Variants in ARHGEF19 observed in about 807,000 individuals in gnomAD.
ARHGEF19 encodes the protein Rho guanine nucleotide exchange factor 19.
Under a neutral mutation model 87.6 loss-of-function variants are expected in ARHGEF19, and 92 were observed. That is an observed-to-expected ratio of 1.05 (90% CI 0.89 to 1.25). The LOEUF (loss-of-function observed/expected upper bound fraction) is 1.25. ARHGEF19 is among the 50% of genes most tolerant of loss of function. The probability of loss-of-function intolerance (pLI) is 0.00; values close to 1 mark genes in which losing one functional copy is unlikely to be tolerated. For missense variants in ARHGEF19, 1,054 were observed against 1,051.8 expected, an observed-to-expected ratio of 1.00 and a Z score of -0.03; for synonymous variants, 438 against 446.2, an observed-to-expected ratio of 0.98 and a Z score of 0.23.
At chr1:16,201,705 C>G in intron 14 of ARHGEF19, 77 bp downstream of exon 14, 2 of 1,497,294 alleles carry the variant, frequency 1.3e-6, no homozygotes, top group Non-Finnish European at 1.8e-6. Context: ...GCCAGCAACA[C>G]AGCACCCAGG....
intron 2 of ARHGEF19, 53 bp from the exon 3 acceptor site, chr1:16,208,278 C>T: frequency 6.4e-7 from 1 of 1,565,224 alleles, no homozygotes; most frequent in South Asian, 1.2e-5. Context: ...CCCCAACCTC[C>T]TCCCTGCTGC....
chr1:16,211,482 A>T (rs1469132020), intron 1 of ARHGEF19, among the ~76,000 whole-genome samples: 1 of 152,192 alleles, frequency 6.6e-6, no homozygotes, highest in Non-Finnish European at 1.5e-5. Flanking sequence ...CAAAACATTG[A>T]GGCTTTGCAG....
In ARHGEF19 at chr1:16,205,189, T is replaced by G. The variant is rs753597785; in HGVS notation, c.1657-13A>C. On this transcript the variant is annotated splice_polypyrimidine_tract_variant and intron_variant, in intron 10 of 15. Transcript: ENST00000270747. This position sits in a 1 kb window ranked among gnomAD's most constrained non-coding sequence, Gnocchi z 5.8. ...ACTCCTGCACCAGCTGGGGGAGCCG[T>G]GGGGAGGTCACCTGCAGCCCCTCAG... The G allele has an allele frequency of 1.3e-6, 2 of 1,594,080 alleles. No individual in the cohort carries two copies. Among genetic ancestry groups the G allele is most frequent in the South Asian group, 2.3e-5 (2 of 88,770 alleles).
Position 16,207,157 on chromosome 1 carries a change from G to T in ARHGEF19, c.928C>A (p.Gln310Lys). 1 of 1,529,970 alleles carries T rather than the reference G, an allele frequency of 6.5e-7. No homozygotes were observed. The allele number at this position is 1,529,970 out of a possible 1,614,324, so 94.8% of individuals were successfully genotyped here. Residue 310 changes from glutamine (Q) to lysine (K), a missense_variant, in exon 6 of 16, where the codon CAG (glutamine) becomes AAG (lysine). Gln to Lys is a moderately conservative substitution (Grantham distance 53, BLOSUM62 1). Coordinates refer to ENST00000270747, the MANE Select transcript of ARHGEF19 (RefSeq NM_153213.5). This position sits in a 1 kb window ranked among gnomAD's most constrained non-coding sequence, Gnocchi z 4.0. The part of the protein sequence containing the change: ...DVASARELRR[Q>K]QREEEGPGDE... ...CCCGGGCCCTCCTCCTCGCGCTGCTGCCGCCGCAGTTCGCGGGCGCTGGCC... is the reference window on the plus strand; with the variant it reads ...CCCGGGCCCTCCTCCTCGCGCTGCTTCCGCCGCAGTTCGCGGGCGCTGGCC...
intron 14 of ARHGEF19, 93 bp downstream of exon 14, chr1:16,201,689 A>G: frequency 7.2e-7 from 1 of 1,391,676 alleles, no homozygotes; most frequent in Non-Finnish European, 9.8e-7. Flanking sequence ...CTCTCCCCAT[A>G]GCCCTGCCAG....
intron 12 of ARHGEF19, among the ~76,000 whole-genome samples, chr1:16,204,251 G>A (rs11260937): frequency 0.013 from 1,921 of 151,520 alleles, 36 homozygotes; most frequent in African/African-American, 0.045. Flanking sequence ...TACTGAACAA[G>A]TGTTCACTGT....
In ARHGEF19 at chr1:16,207,772, C is replaced by T. The variant is rs1474199562; in HGVS notation, c.700G>A (p.Ala234Thr). Residue 234 changes from alanine (A) to threonine (T), a missense_variant, in exon 4 of 16, where the codon GCA becomes ACA. Transcript: ENST00000270747. This position sits in a 1 kb window ranked among gnomAD's most constrained non-coding sequence, Gnocchi z 4.0. ...ACACTTCGAGCCTCCATTCCAGATG[C>T]TTTCCCTGGAGAGGGCGAGAACTGA... is the stretch of plus-strand genomic sequence containing the variant. ...SGTGAAREGKASGMEARSVEM... is the reference protein window; with the variant it reads ...SGTGAAREGKTSGMEARSVEM... 1.9e-6 allele frequency: 3 copies of T among 1,613,922 alleles called. No individual in the cohort carries two copies. The highest frequency in any genetic ancestry group is 2.2e-5 in the East Asian group (1 of 44,874).
intron 12 of ARHGEF19, 47 bp from the exon 13 acceptor site, chr1:16,202,621 C>G (rs1406874196): frequency 1.3e-6 from 2 of 1,589,752 alleles, no homozygotes; most frequent in African/African-American, 2.7e-5. Context: ...GGCCCTGGCT[C>G]TAGGCACCCA....
Position 16,206,265 on chromosome 1 carries a change from A to C in ARHGEF19, c.1213T>G (p.Ser405Ala). 1 of 1,589,398 alleles carries C rather than the reference A, an allele frequency of 6.3e-7. No homozygotes were observed. Among genetic ancestry groups the C allele is most frequent in the Non-Finnish European group, 8.6e-7 (1 of 1,168,260 alleles). Reference sequence around the variant, plus strand: ...CCCAGACACTCGCTCAGCTCGGCAGAGCCTAAGAAGTGGCCCACAGCCACC... The same window carrying C: ...CCCAGACACTCGCTCAGCTCGGCAGCGCCTAAGAAGTGGCCCACAGCCACC... Reference protein sequence around the residue: ...LSVAVGHFLGSAELSECLGAQ... With the variant: ...LSVAVGHFLGAAELSECLGAQ... Residue 405 changes from serine to alanine, a missense_variant, in exon 7 of 16, where the codon TCT becomes GCT. Coordinates refer to ENST00000270747, the MANE Select transcript of ARHGEF19 (RefSeq NM_153213.5). This position sits in a 1 kb window ranked among gnomAD's most constrained non-coding sequence, Gnocchi z 4.6.
chr1:16,198,100 A>C lies in ARHGEF19; in HGVS notation c.*487T>G, dbSNP rs1468712202. ...CAGCATCAGATGGATCACAGACTCC[A>C]AGCAAAGGCATGATAGGAGTTTATT... On this transcript the variant is annotated 3_prime_UTR_variant, in exon 16 of 16. Transcript: ENST00000270747. This position sits in a 1 kb window ranked among gnomAD's most constrained non-coding sequence, Gnocchi z 4.1. 6.6e-6 allele frequency: 1 copy of C among 152,426 alleles called. No individual in the cohort carries two copies. The highest frequency in any genetic ancestry group is 1.5e-5 in the Non-Finnish European group (1 of 68,218). 9.4% of individuals were successfully genotyped at this position (152,426 alleles called of 1,614,324 possible).
chr1:16,198,868 G>C lies in ARHGEF19; in HGVS notation c.2252-124C>G. On this transcript the variant is annotated intron_variant, in intron 15 of 15. Transcript: ENST00000270747. This position sits in a 1 kb window ranked among gnomAD's most constrained non-coding sequence, Gnocchi z 4.1. ...TTGGGGCCAAGGTGACATCATCTCA[G>C]CATCTCTCAGCTCCAGGAAGGACCC... 1.6e-6 allele frequency: 2 copies of C among 1,237,532 alleles called. No individual in the cohort carries two copies. The highest frequency in any genetic ancestry group is 2.2e-6 in the Non-Finnish European group (2 of 901,550). 76.7% of individuals were successfully genotyped at this position (1,237,532 alleles called of 1,614,324 possible).
chr1:16,203,906 G>T (rs529187149), intron 12 of ARHGEF19, among the ~76,000 whole-genome samples: 1 of 152,358 alleles, frequency 6.6e-6, no homozygotes, highest in South Asian at 2.1e-4. Context: ...GCTTCTGTGA[G>T]CAGAAAACAA....
At position 16,207,897 on chromosome 1, in the gene ARHGEF19, C is replaced by A; in HGVS notation, c.694+47G>T. On this transcript the variant is annotated intron_variant, in intron 3 of 15. Coordinates refer to ENST00000270747, the MANE Select transcript of ARHGEF19 (RefSeq NM_153213.5). This position sits in a 1 kb window ranked among gnomAD's most constrained non-coding sequence, Gnocchi z 4.0. ...GAGTGGGCATCGCCCACCCCCACCCCCACCCGGCATCTGGCTGCCCTCAGG... is the reference window on the plus strand; with the variant it reads ...GAGTGGGCATCGCCCACCCCCACCCACACCCGGCATCTGGCTGCCCTCAGG... 1 of 1,560,684 alleles carries A rather than the reference C, an allele frequency of 6.4e-7. No individual in the cohort carries two copies. The highest frequency in any genetic ancestry group is 8.7e-7 in the Non-Finnish European group (1 of 1,147,760).
chr1:16,209,447 ACTT>A (rs745626029), intron 1 of ARHGEF19, among the ~76,000 whole-genome samples: 9 of 152,142 alleles, frequency 5.9e-5, no homozygotes, highest in Non-Finnish European at 8.8e-5. Flanking sequence ...ACCACCTTGT[ACTT>A]CTCTAAAACA....
chr1:16,205,736 C>G lies in ARHGEF19; in HGVS notation c.1452-69G>C. ...TCCTGGGATCCACAACCCTGGCCATCCACGGGGTCCTCAGGGGGCTTCTCA... is the reference window on the plus strand; with the variant it reads ...TCCTGGGATCCACAACCCTGGCCATGCACGGGGTCCTCAGGGGGCTTCTCA... On this transcript the variant is annotated intron_variant, in intron 8 of 15. Coordinates refer to ENST00000270747, the MANE Select transcript of ARHGEF19 (RefSeq NM_153213.5). This position sits in a 1 kb window ranked among gnomAD's most constrained non-coding sequence, Gnocchi z 5.8. 6.5e-7 allele frequency: 1 copy of G among 1,533,578 alleles called. No individual in the cohort carries two copies. The highest frequency in any genetic ancestry group is 8.8e-7 in the Non-Finnish European group (1 of 1,140,200). The allele number at this position is 1,533,578 out of a possible 1,614,324, so 95.0% of individuals were successfully genotyped here. A position where few individuals can be genotyped will look rare whatever the true frequency, so the allele number is the denominator to read the frequency against.
At position 16,198,651 on chromosome 1, in the gene ARHGEF19, C is replaced by T. The variant is rs2081059456; in HGVS notation, c.2345G>A (p.Arg782Gln). Reference sequence around the variant, plus strand: ...GACTCGCTTATTCTCCCGGAGGTTTCGGAGGCGGGCGCTGAGGCTGCTGAT... The same window carrying T: ...GACTCGCTTATTCTCCCGGAGGTTTTGGAGGCGGGCGCTGAGGCTGCTGAT... ...EEISSLSARL[R>Q]NLRENKRVTS... is the part of the protein sequence containing the mutation. Residue 782 changes from arginine to glutamine, a missense_variant, in exon 16 of 16, where the codon CGA becomes CAA. By Grantham distance (43) the Arg-to-Gln change is conservative. Coordinates refer to ENST00000270747, the MANE Select transcript of ARHGEF19 (RefSeq NM_153213.5). The surrounding 1 kb of genome is among the most constrained non-coding windows in gnomAD (Gnocchi z 4.1). 5.0e-6 allele frequency: 8 copies of T among 1,613,756 alleles called. No homozygotes were observed. The highest frequency in any genetic ancestry group is 6.8e-6 in the Non-Finnish European group (8 of 1,179,766).
Position 16,207,722 on chromosome 1 carries a change from C to T in ARHGEF19, c.750G>A (p.Ser250=). The T allele has an allele frequency of 6.2e-7, 1 of 1,613,958 alleles. No homozygotes were observed. Among genetic ancestry groups the T allele is most frequent in the Non-Finnish European group, 8.5e-7 (1 of 1,180,014 alleles). The change falls in exon 4 of 16, where the codon TCG becomes TCA. Residue 250 remains serine (S), a synonymous_variant. Transcript: ENST00000270747. The surrounding 1 kb of genome is among the most constrained non-coding windows in gnomAD (Gnocchi z 4.0). ...CTCGTGAGTCACCAGGGGCTGGCCG[C>T]GACACCCGGTCCCCGCTCATCTCTA... ...RSVEMSGDRV[S]RPAPGDSREG... is the part of the protein sequence containing the mutation.
chr1:16,208,907 G>C lies in ARHGEF19; in HGVS notation c.148C>G (p.Leu50Val). The change falls in exon 2 of 16, where the codon CTT (leucine) becomes GTT (valine). Residue 50 changes from leucine (L) to valine (V), a missense_variant. Physicochemically the swap from Leu to Val is conservative, Grantham distance 32 (BLOSUM62 1). Transcript: ENST00000270747. ...LKPPSPVCLD[L>V]FPVAPEELRA... is the part of the protein sequence containing the mutation. ...AGCTCCTCTGGGGCAACAGGGAAAA[G>C]GTCCAGACACACTGGGCTCGGGGGC... The C allele has an allele frequency of 6.3e-7, 1 of 1,596,608 alleles. No individual in the cohort carries two copies. The highest frequency in any genetic ancestry group is 8.5e-7 in the Non-Finnish European group (1 of 1,173,472).
Position 16,208,237 on chromosome 1 carries a change from G to A in ARHGEF19, c.413-12C>T, listed in dbSNP as rs1029811370. 1.2e-6 allele frequency: 2 copies of A among 1,608,464 alleles called. No homozygotes were observed. Among genetic ancestry groups the A allele is most frequent in the Non-Finnish European group, 1.7e-6 (2 of 1,176,698 alleles). ...CCGCATCTTGCGCCCTAGGGTTGGGGGCAAGGAGTGAGAGCACGGGCTGGG... is the reference window on the plus strand; with the variant it reads ...CCGCATCTTGCGCCCTAGGGTTGGGAGCAAGGAGTGAGAGCACGGGCTGGG... On this transcript the variant is annotated splice_polypyrimidine_tract_variant and intron_variant, in intron 2 of 15. Transcript: ENST00000270747.
Sources: gnomAD v4.1 joint callset for allele counts (sites outside exome capture counted in the v4.1 genomes callset) on GRCh38, gnomAD v4.1.1 for gene constraint, Gnocchi (gnomAD v3.1) non-coding constraint, MANE v1.5 for transcripts, NCBI Gene and HGNC (gene_info 2026-07-23, HGNC 2026-07-21) for gene names.